CACNG4: variants seen among roughly 807,000 people sequenced by gnomAD.
CACNG4 encodes calcium voltage-gated channel auxiliary subunit gamma 4, also known as voltage-dependent calcium channel gamma-4 subunit.
CACNG4 carries 8 observed loss-of-function variants against 22.9 expected under a neutral mutation model. That is an observed-to-expected ratio of 0.35 (90% CI 0.21 to 0.63). The LOEUF is 0.63. Ranked by LOEUF, CACNG4 falls within the 30% of genes least tolerant of loss-of-function variation. CACNG4 has a pLI of 0.72. For synonymous variants in CACNG4, 188 were observed against 191.9 expected, an observed-to-expected ratio of 0.98 and a Z score of 0.17; for missense variants, 357 against 455.4, an observed-to-expected ratio of 0.78 and a Z score of 1.97.
chr17:67,027,015 C>T lies in CACNG4; in HGVS notation c.445+2015C>T, dbSNP rs2035572118. Among the ~76,000 whole-genome samples, 1 of 152,128 alleles carries T rather than the reference C, an allele frequency of 6.6e-6. No homozygotes were observed. The highest frequency in any genetic ancestry group is 2.4e-5 in the African/African-American group (1 of 41,420). The stretch of plus-strand genomic sequence containing the variant: ...GTGACCCCTCAACACTGCCCCAGAG[C>T]GTCCTCCCCACGGCAGGGAGAGAAT... On this transcript the variant is annotated intron_variant, in intron 3 of 3. Transcript: ENST00000262138. The surrounding 1 kb of genome is among the most constrained non-coding windows in gnomAD (Gnocchi z 4.3).
At position 66,981,962 on chromosome 17, in the gene CACNG4, C is replaced by G. The variant is rs574634311; in HGVS notation, c.220+16831C>G. Among the ~76,000 whole-genome samples, 4 of 152,326 alleles carry G rather than the reference C, an allele frequency of 2.6e-5. No individual in the cohort carries two copies. In the East Asian group the frequency reaches 7.7e-4, roughly 29 times the overall value. Reference sequence around the variant, plus strand: ...AAAAAAAAATTTTTAGAGATACGGTCTCACTCTGTCACACAGGCTAGAGTG... The same window carrying G: ...AAAAAAAAATTTTTAGAGATACGGTGTCACTCTGTCACACAGGCTAGAGTG... On this transcript the variant is annotated intron_variant, in intron 1 of 3. Coordinates refer to ENST00000262138, the MANE Select transcript of CACNG4 (RefSeq NM_014405.4).
intron 1 of CACNG4, among the ~76,000 whole-genome samples, chr17:66,970,125 T>G (rs942369312): frequency 6.6e-6 from 1 of 152,200 alleles, no homozygotes; most frequent in African/African-American, 2.4e-5. Context: ...AAGGTAGATA[T>G]TAATTATTTG....
chr17:66,978,744 C>T (rs1301182838), intron 1 of CACNG4, among the ~76,000 whole-genome samples: 1 of 152,226 alleles, frequency 6.6e-6, no homozygotes, highest in African/African-American at 2.4e-5. Flanking sequence ...TGAGCCTTCG[C>T]CCGAGACATT....
At chr17:67,004,577 C>T (rs897064853) in intron 1 of CACNG4, among the ~76,000 whole-genome samples, 1 of 152,118 alleles carries the variant, frequency 6.6e-6, no homozygotes, top group Non-Finnish European at 1.5e-5. Flanking sequence ...TGCAGACCTG[C>T]GCTGAGACAT....
At position 67,006,524 on chromosome 17, in the gene CACNG4, C is replaced by T. The variant is rs113041400; in HGVS notation, c.221-11665C>T. On this transcript the variant is annotated intron_variant, in intron 1 of 3. Coordinates refer to ENST00000262138, the MANE Select transcript of CACNG4 (RefSeq NM_014405.4). ...CCAAACATGCCTCTGGGCTTCGTCT[C>T]GCCTGGGCCGCCATATGCCAAGTAC... Among the ~76,000 whole-genome samples the T allele has an allele frequency of 3.1e-3, 469 of 152,296 alleles. 1 individual carries two copies. Among genetic ancestry groups the T allele is most frequent in the Middle Eastern group, 0.01 (3 of 294 alleles).
rs114808662 is a variant in CACNG4 at position 67,029,716 on chromosome 17, C to T, written c.446-750C>T. On this transcript the variant is annotated intron_variant, in intron 3 of 3. Transcript: ENST00000262138. ...ATGTACCAGGTTGTTTTCTTTGTGGCGGCGAATGTTCCACATAACGTAAAA... is the reference window on the plus strand; with the variant it reads ...ATGTACCAGGTTGTTTTCTTTGTGGTGGCGAATGTTCCACATAACGTAAAA... 2.4e-3 allele frequency among the ~76,000 whole-genome samples: 366 copies of T among 152,266 alleles called. 3 individuals are homozygous for T. Among genetic ancestry groups the T allele is most frequent in the African/African-American group, 8.6e-3 (356 of 41,562 alleles).
At chr17:67,021,051 A>T (rs1446828471) in intron 2 of CACNG4, among the ~76,000 whole-genome samples, 1 of 152,154 alleles carries the variant, frequency 6.6e-6, no homozygotes, top group Non-Finnish European at 1.5e-5. Flanking sequence ...ATAAAAATAA[A>T]TTAGCCAGAA....
At chr17:67,000,562 G>A (rs2035402051) in intron 1 of CACNG4, among the ~76,000 whole-genome samples, 1 of 152,212 alleles carries the variant, frequency 6.6e-6, no homozygotes, top group Admixed American at 6.5e-5. Flanking sequence ...TCTGGGACAT[G>A]GATCCTGCCA....
At chr17:66,980,343 C>G (rs558368277) in intron 1 of CACNG4, among the ~76,000 whole-genome samples, 12 of 152,324 alleles carry the variant, frequency 7.9e-5, no homozygotes, top group African/African-American at 2.4e-4. Flanking sequence ...AAACCTTTAT[C>G]ACATGTGTAA....
At chr17:66,995,870 A>G (rs2035371720) in intron 1 of CACNG4, among the ~76,000 whole-genome samples, 1 of 151,914 alleles carries the variant, frequency 6.6e-6, no homozygotes, top group Non-Finnish European at 1.5e-5. Context: ...TGGGATCTAT[A>G]GAGACCTCTA....
intron 2 of CACNG4, among the ~76,000 whole-genome samples, chr17:67,018,966 GTCCAGATC>G (rs2035516406): frequency 6.6e-6 from 1 of 151,966 alleles, no homozygotes; most frequent in African/African-American, 2.4e-5. Context: ...CCCACACTAA[GTCCAGATC>G]TCATCCCTGG....
chr17:67,022,947 G>A (rs573994352), intron 2 of CACNG4, among the ~76,000 whole-genome samples: 3 of 152,350 alleles, frequency 2.0e-5, no homozygotes, highest in African/African-American at 7.2e-5. Context: ...TGTAACAAAT[G>A]ATCAAAACTG....
chr17:67,025,100 G>A (rs767923346), intron 3 of CACNG4, 100 bp downstream of exon 3: 3 of 1,145,722 alleles, frequency 2.6e-6, no homozygotes, highest in Non-Finnish European at 3.5e-6. Context: ...ATCCTAGAGG[G>A]GAATGCAGAC....
At chr17:66,980,532 T>C (rs991334016) in intron 1 of CACNG4, among the ~76,000 whole-genome samples, 1 of 152,116 alleles carries the variant, frequency 6.6e-6, no homozygotes, top group Non-Finnish European at 1.5e-5. Context: ...TAAGCAGGCT[T>C]CATTGCACCA....
chr17:67,004,145 G>A (rs2035423785), intron 1 of CACNG4, among the ~76,000 whole-genome samples: 1 of 152,096 alleles, frequency 6.6e-6, no homozygotes. Flanking sequence ...AATGAAGAAA[G>A]AAACAACAAC....
At chr17:67,025,269 T>C (rs997250560) in intron 3 of CACNG4, among the ~76,000 whole-genome samples, 6 of 152,230 alleles carry the variant, frequency 3.9e-5, no homozygotes, top group African/African-American at 1.4e-4. Context: ...AGCCACTGGA[T>C]TGTGCCCTTC....
In CACNG4 at chr17:67,031,675, G is replaced by A. The variant is rs1359258987; in HGVS notation, c.*671G>A. 4.4e-6 allele frequency: 2 copies of A among 456,668 alleles called. No homozygotes were observed. Among genetic ancestry groups the A allele is most frequent in the Non-Finnish European group, 8.8e-6 (2 of 226,990 alleles). 28.3% of individuals were successfully genotyped at this position (456,668 alleles called of 1,614,324 possible). A position where few individuals can be genotyped will look rare whatever the true frequency, so the allele number is the denominator to read the frequency against. Reference sequence around the variant, plus strand: ...GCCGTGGCCTGTGGAGGAGGCCCAGGTAAAGGCTGGGGGCTGTTGCTGGCT... The same window carrying A: ...GCCGTGGCCTGTGGAGGAGGCCCAGATAAAGGCTGGGGGCTGTTGCTGGCT... On this transcript the variant is annotated 3_prime_UTR_variant, in exon 4 of 4. Coordinates refer to ENST00000262138, the MANE Select transcript of CACNG4 (RefSeq NM_014405.4). This position sits in a 1 kb window ranked among gnomAD's most constrained non-coding sequence, Gnocchi z 4.0.
chr17:66,993,787 G>A (rs1250438784), intron 1 of CACNG4, among the ~76,000 whole-genome samples: 1 of 152,100 alleles, frequency 6.6e-6, no homozygotes, highest in Non-Finnish European at 1.5e-5. Flanking sequence ...TGTATTTTCA[G>A]TAAAGACGGC....
At chr17:66,990,124 A>G (rs1016916884) in intron 1 of CACNG4, among the ~76,000 whole-genome samples, 3 of 152,166 alleles carry the variant, frequency 2.0e-5, no homozygotes, top group Non-Finnish European at 2.9e-5. Flanking sequence ...TGCAATTGAG[A>G]TATTTGCCAG....
Sources: allele counts gnomAD v4.1 joint callset (sites outside exome capture counted in the v4.1 genomes callset), GRCh38; gene constraint gnomAD v4.1.1; non-coding constraint Gnocchi (gnomAD v3.1); transcripts MANE v1.5; gene names NCBI Gene and HGNC (gene_info 2026-07-23, HGNC 2026-07-21).